Variants in FAN1 observed in about 807,000 individuals in gnomAD.
The protein encoded by FAN1 is FANCD2 and FANCI associated nuclease 1.
A neutral mutation model predicts 104.9 loss-of-function variants in FAN1; 91 were observed. That is an observed-to-expected ratio of 0.87 (90% CI 0.73 to 1.03). The LOEUF (loss-of-function observed/expected upper bound fraction) is 1.03, where lower values mean the gene tolerates loss of function less well. Among genes scored for constraint, FAN1 ranks in the 50% least tolerant of loss-of-function variants. The pLI is 0.00. For missense variants in FAN1, 1,263 were observed against 1,239.9 expected, an observed-to-expected ratio of 1.02 and a Z score of -0.28; for synonymous variants, 478 against 457.6, an observed-to-expected ratio of 1.04 and a Z score of -0.57.
intron 2 of FAN1, 71 bp from the exon 3 acceptor site, chr15:30,908,047 G>T (rs909154680): frequency 1.8e-5 from 24 of 1,310,634 alleles, no homozygotes; most frequent in Non-Finnish European, 2.4e-5. Flanking sequence ...TTTCTAAATC[G>T]TACATTTATT....
chr15:30,922,131 A>AT, intron 7 of FAN1, 104 bp from the exon 8 acceptor site: 1 of 1,385,340 alleles, frequency 7.2e-7, no homozygotes, highest in Non-Finnish European at 9.9e-7. Flanking sequence ...GAATGGAAAG[A>AT]TACGCATTAT....
intron 3 of FAN1, among the ~76,000 whole-genome samples, chr15:30,910,140 G>T (rs1388406499): frequency 6.6e-6 from 1 of 152,224 alleles, no homozygotes; most frequent in Non-Finnish European, 1.5e-5. Context: ...TGACTGAGCC[G>T]AATTCCTAGG....
chr15:30,924,023 G>C (rs181085463), intron 8 of FAN1, among the ~76,000 whole-genome samples: 1 of 152,132 alleles, frequency 6.6e-6, no homozygotes, highest in African/African-American at 2.4e-5. Context: ...CCCTGGCGAC[G>C]ACGTCTCATC....
chr15:30,924,133 C>T (rs1241906175), intron 8 of FAN1, among the ~76,000 whole-genome samples: 1 of 152,220 alleles, frequency 6.6e-6, no homozygotes, highest in Non-Finnish European at 1.5e-5. Context: ...TTTTGCTCAG[C>T]ATCATGTTTC....
At chr15:30,933,330 C>T (rs761377440) in intron 13 of FAN1, among the ~76,000 whole-genome samples, 2 of 152,186 alleles carry the variant, frequency 1.3e-5, no homozygotes, top group Non-Finnish European at 2.9e-5. Context: ...TTTTCATTTT[C>T]ATTCAGTTCA....
At chr15:30,918,127 C>T (rs747574013) in intron 5 of FAN1, 37 bp from the exon 6 acceptor site, 60 of 1,611,318 alleles carry the variant, frequency 3.7e-5, no homozygotes, top group Non-Finnish European at 4.9e-5. Context: ...TGGGAATGCT[C>T]ATTCTTATTT....
chr15:30,933,997 A>AG (rs2062786541), intron 13 of FAN1, among the ~76,000 whole-genome samples: 3 of 152,084 alleles, frequency 2.0e-5, no homozygotes, highest in African/African-American at 7.2e-5. Flanking sequence ...CCTGGGCTCC[A>AG]CGTTGGCCTC....
At chr15:30,915,040 T>C (rs2062173501) in intron 5 of FAN1, among the ~76,000 whole-genome samples, 1 of 152,224 alleles carries the variant, frequency 6.6e-6, no homozygotes, top group South Asian at 2.1e-4. Flanking sequence ...ATAGCCAAGA[T>C]AGGGAGTCAA....
chr15:30,908,722 T>C (rs2062035807), intron 3 of FAN1, among the ~76,000 whole-genome samples: 1 of 152,176 alleles, frequency 6.6e-6, no homozygotes, highest in African/African-American at 2.4e-5. Context: ...ATGCCTGTAA[T>C]CCCAGCTATT....
chr15:30,932,492 T>G (rs1413572515), intron 13 of FAN1, among the ~76,000 whole-genome samples: 1 of 152,134 alleles, frequency 6.6e-6, no homozygotes, highest in Admixed American at 6.5e-5. Context: ...AGAATTAGTA[T>G]TATTCCCTAA....
chr15:30,922,616 G>A (rs2062361687), intron 8 of FAN1, among the ~76,000 whole-genome samples: 1 of 152,138 alleles, frequency 6.6e-6, no homozygotes, highest in Admixed American at 6.5e-5. Flanking sequence ...TGGCATTTAG[G>A]AATCAGGATC....
At chr15:30,941,292 C>A (rs950873439) in intron 14 of FAN1, 1 of 1,512,120 alleles carries the variant, frequency 6.6e-7, no homozygotes, top group East Asian at 2.6e-5. Flanking sequence ...AAATTTACAT[C>A]TCTCTTAAAA....
chr15:30,941,770 G>A lies in FAN1; in HGVS notation c.*208G>A. ...CAGCCAGGAGGGAGAGCTTGTGAAA[G>A]GCTGTGATGGAGCCACCCAGGCTGA... On this transcript the variant is annotated 3_prime_UTR_variant, in exon 15 of 15. Coordinates refer to ENST00000362065, the MANE Select transcript of FAN1 (RefSeq NM_014967.5). The A allele has an allele frequency of 6.2e-7, 1 of 1,614,016 alleles. No homozygotes were observed. Among genetic ancestry groups the A allele is most frequent in the Non-Finnish European group, 8.5e-7 (1 of 1,179,878 alleles).
Position 30,939,610 on chromosome 15 carries a change from A to G in FAN1, c.*4-1956A>G, listed in dbSNP as rs2140978936. ...TTTTAACCATTATTAATAGTACCTA[A>G]TATTTTTAAACTTGTAAATTAACAA... is the stretch of plus-strand genomic sequence containing the variant. On this transcript the variant is annotated intron_variant, in intron 14 of 14. Transcript: ENST00000362065. 4 of 928,300 alleles carry G rather than the reference A, an allele frequency of 4.3e-6. No homozygotes were observed. The South Asian group carries it at 2.0e-4, about 46-fold the overall frequency. 57.5% of individuals were successfully genotyped at this position (928,300 alleles called of 1,614,324 possible).
At chr15:30,937,985 A>C (rs1225570004) in intron 14 of FAN1, among the ~76,000 whole-genome samples, 1 of 151,678 alleles carries the variant, frequency 6.6e-6, no homozygotes, top group Non-Finnish European at 1.5e-5. Flanking sequence ...AGAGATCGAG[A>C]CCATCCTGGC....
Position 30,942,857 on chromosome 15 carries a change from A to G in FAN1, c.*1295A>G. The G allele has an allele frequency of 6.5e-7, 1 of 1,535,210 alleles. No individual in the cohort carries two copies. The highest frequency in any genetic ancestry group is 2.0e-5 in the Admixed American group (1 of 49,566). The stretch of plus-strand genomic sequence containing the variant: ...AAAAAGAGGTGTTTGGTTACGTGTG[A>G]GCCAACATCACGTTTTGTTAGCTGT... On this transcript the variant is annotated 3_prime_UTR_variant, in exon 15 of 15. Transcript: ENST00000362065.
chr15:30,934,029 G>A (rs571212795), intron 13 of FAN1, among the ~76,000 whole-genome samples: 3 of 151,994 alleles, frequency 2.0e-5, no homozygotes, highest in South Asian at 2.1e-4. Flanking sequence ...AGAGTATACC[G>A]TGCCCAGCCA....
chr15:30,925,961 T>C lies in FAN1; in HGVS notation c.2488+22T>C, dbSNP rs2959037. ...CAGGGTAACTGAGCAGGCTTTCTCT[T>C]GTGGCACCCAGCCCCGGGTGGACGA... is the stretch of plus-strand genomic sequence containing the variant. On this transcript the variant is annotated intron_variant, in intron 10 of 14. Transcript: ENST00000362065. 1,006,943 of 1,612,158 alleles carry C rather than the reference T, an allele frequency of 0.62. 320,442 individuals are homozygous for C. The highest frequency in any genetic ancestry group is 0.98 in the East Asian group (43,984 of 44,828).
At position 30,905,305 on chromosome 15, in the gene FAN1, C is replaced by T. The variant is rs1293983425; in HGVS notation, c.642C>T (p.Asn214=). 7.4e-6 allele frequency: 12 copies of T among 1,613,684 alleles called. No homozygotes were observed. Among genetic ancestry groups the T allele is most frequent in the Non-Finnish European group, 1.0e-5 (12 of 1,179,904 alleles). ...QILENSSQKE[N]VFKCDSLKEE... is the part of the protein sequence containing the mutation. ...TGGAGAACAGTTCTCAAAAAGAAAA[C>T]GTGTTTAAATGTGATTCTCTAAAGG... Residue 214 remains asparagine, a synonymous_variant, in exon 2 of 15, where the codon AAC becomes AAT. Transcript: ENST00000362065.
Sources: allele counts gnomAD v4.1 joint callset (sites outside exome capture counted in the v4.1 genomes callset), GRCh38; gene constraint gnomAD v4.1.1; transcripts MANE v1.5; gene names NCBI Gene and HGNC (gene_info 2026-07-23, HGNC 2026-07-21).